The following PPIG variants were observed in gnomAD, a reference collection of about 807,000 sequenced individuals.
The protein encoded by PPIG is peptidylprolyl isomerase G.
A neutral mutation model predicts 87.9 loss-of-function variants in PPIG; 26 were observed. The ratio of observed to expected loss-of-function variants is 0.30; its 90% CI spans 0.22 to 0.41. The LOEUF (loss-of-function observed/expected upper bound fraction) is 0.41. Ranked by LOEUF, PPIG falls within the 10% of genes least tolerant of loss-of-function variation. PPIG has a pLI of 1.00. For missense variants in PPIG, 722 were observed against 879.4 expected (o/e 0.82, Z 2.26); for synonymous variants, 308 against 276.5 (o/e 1.11, Z -1.13).
At chr2:169,619,752 T>C (rs201514431) in intron 9 of PPIG, among the ~76,000 whole-genome samples, 1 of 134,030 alleles carries the variant, frequency 7.5e-6, no homozygotes. Context: ...CCTTGTTTTC[T>C]TTTTTTTTTA....
chr2:169,621,658 A>T (rs1411181966), intron 9 of PPIG, among the ~76,000 whole-genome samples: 1 of 152,086 alleles, frequency 6.6e-6, no homozygotes, highest in Admixed American at 6.5e-5. Flanking sequence ...GTACAGTAGG[A>T]ATATTTTAGG....
intron 11 of PPIG, among the ~76,000 whole-genome samples, chr2:169,632,739 C>T (rs937129498): frequency 1.3e-4 from 15 of 114,194 alleles, no homozygotes; most frequent in Non-Finnish European, 2.0e-4. Context: ...AGTGAGACTC[C>T]GTCTCAAAAA....
chr2:169,602,619 A>C (rs911669847), intron 1 of PPIG, among the ~76,000 whole-genome samples: 7 of 152,140 alleles, frequency 4.6e-5, no homozygotes, highest in Admixed American at 1.3e-4. Context: ...GCCCAAAATT[A>C]GCCTGTTTTT....
intron 9 of PPIG, among the ~76,000 whole-genome samples, chr2:169,620,729 G>A (rs1278093983): frequency 2.0e-5 from 3 of 152,050 alleles, no homozygotes; most frequent in Non-Finnish European, 4.4e-5. Context: ...TTGATATATT[G>A]TCTGAAATGG....
intron 1 of PPIG, among the ~76,000 whole-genome samples, chr2:169,597,466 C>T (rs557449290): frequency 6.7e-6 from 1 of 150,354 alleles, no homozygotes; most frequent in South Asian, 2.1e-4. Flanking sequence ...GCCCCACTTT[C>T]GTTTTTCTCT....
chr2:169,587,546 G>T (rs1248077747), intron 1 of PPIG, among the ~76,000 whole-genome samples: 5 of 152,026 alleles, frequency 3.3e-5, no homozygotes, highest in South Asian at 2.1e-4. Context: ...AGACCTTTTT[G>T]CTTTTAATGT....
At chr2:169,612,209 A>G (rs1279088327) in intron 7 of PPIG, among the ~76,000 whole-genome samples, 7 of 151,722 alleles carry the variant, frequency 4.6e-5, no homozygotes, top group African/African-American at 1.7e-4. Flanking sequence ...TGTTGCAGAG[A>G]CTCTGTACCA....
intron 9 of PPIG, among the ~76,000 whole-genome samples, chr2:169,625,259 A>G (rs13021966): frequency 0.24 from 36,883 of 152,176 alleles, 4,688 homozygotes; most frequent in Non-Finnish European, 0.27. Flanking sequence ...TTGGTTCGAA[A>G]TTCAGAAAGT....
At chr2:169,635,954 A>G (rs545664236) in intron 12 of PPIG, 138 bp from the exon 13 acceptor site, 6 of 462,478 alleles carry the variant, frequency 1.3e-5, no homozygotes, top group Admixed American at 4.2e-5. Flanking sequence ...TACTGTTTCA[A>G]TGCTTTTTAT....
Position 169,639,454 on chromosome 2 carries a change from ATGT to A in PPIG, c.*1935_*1937del, listed in dbSNP as rs1553468899. The A allele has an allele frequency of 6.6e-6, 1 of 152,044 alleles. No individual in the cohort carries two copies. The highest frequency in any genetic ancestry group is 1.5e-5 in the Non-Finnish European group (1 of 67,920). The allele number at this position is 152,044 out of a possible 1,614,324, so 9.4% of individuals were successfully genotyped here. A position where few individuals can be genotyped will look rare whatever the true frequency, so the allele number is the denominator to read the frequency against. ...GTCCATGCTAAGTAAAAATTCTTAC[ATGT>A]TGTCTGATCCCAGAGCTTTATCTAC... On this transcript the variant is annotated 3_prime_UTR_variant, in exon 14 of 14. Coordinates refer to ENST00000260970, the MANE Select transcript of PPIG (RefSeq NM_004792.3).
intron 9 of PPIG, among the ~76,000 whole-genome samples, chr2:169,616,858 C>T (rs1435157690): frequency 2.0e-5 from 3 of 152,114 alleles, no homozygotes; most frequent in African/African-American, 7.2e-5. Flanking sequence ...TTAATTAAAT[C>T]CCATTTGTCA....
chr2:169,613,952 A>G (rs1685552260), intron 7 of PPIG, among the ~76,000 whole-genome samples: 1 of 152,222 alleles, frequency 6.6e-6, no homozygotes, highest in Non-Finnish European at 1.5e-5. Flanking sequence ...AAACAAAAAA[A>G]ACTTGTAAAC....
rs747949024 is a variant in PPIG at position 169,636,919 on chromosome 2, G to A, written c.1661G>A (p.Gly554Asp). 4 of 1,613,768 alleles carry A rather than the reference G, an allele frequency of 2.5e-6. No homozygotes were observed. The highest frequency in any genetic ancestry group is 1.7e-5 in the Admixed American group (1 of 59,960). Residue 554 changes from glycine (G) to aspartate (D), a missense_variant, in exon 14 of 14, where the codon GGT becomes GAT. Coordinates refer to ENST00000260970, the MANE Select transcript of PPIG (RefSeq NM_004792.3). Reference protein sequence around the residue: ...SRSRECDITKGKHSYNSRTRE... With the variant: ...SRSRECDITKDKHSYNSRTRE... ...AGTAGAGAATGTGATATAACTAAAG[G>A]TAAACACAGTTATAATAGCAGAACA...
intron 9 of PPIG, among the ~76,000 whole-genome samples, chr2:169,619,207 A>T (rs1422338235): frequency 6.6e-6 from 1 of 152,128 alleles, no homozygotes; most frequent in Non-Finnish European, 1.5e-5. Context: ...CTTGAGTTCC[A>T]ATTTGATTGC....
chr2:169,617,323 G>C (rs1242704034), intron 9 of PPIG, among the ~76,000 whole-genome samples: 1 of 152,068 alleles, frequency 6.6e-6, no homozygotes, highest in African/African-American at 2.4e-5. Context: ...CTTTTCCTTA[G>C]GATTGTCTTG....
chr2:169,632,453 A>G (rs1299194648), intron 11 of PPIG, among the ~76,000 whole-genome samples: 2 of 152,084 alleles, frequency 1.3e-5, no homozygotes, highest in Non-Finnish European at 2.9e-5. Context: ...TTTAATAACT[A>G]TGTCCAGGCT....
chr2:169,630,370 G>T (rs920910045), intron 9 of PPIG, among the ~76,000 whole-genome samples: 1 of 152,040 alleles, frequency 6.6e-6, no homozygotes, highest in South Asian at 2.1e-4. Context: ...TCTCCATGTT[G>T]CTGTAAAGCA....
chr2:169,634,577 C>T (rs1004511615), intron 12 of PPIG, among the ~76,000 whole-genome samples: 1 of 152,140 alleles, frequency 6.6e-6, no homozygotes, highest in Non-Finnish European at 1.5e-5. Flanking sequence ...AAATCTGAAC[C>T]TTCTTTAGGT....
At chr2:169,586,468 G>T (rs772451168) in intron 1 of PPIG, among the ~76,000 whole-genome samples, 7 of 152,194 alleles carry the variant, frequency 4.6e-5, no homozygotes, top group Non-Finnish European at 1.0e-4. Flanking sequence ...AAAATTGTGT[G>T]TGAAGTTGGC....
Sources: allele counts gnomAD v4.1 joint callset (sites outside exome capture counted in the v4.1 genomes callset), GRCh38; gene constraint gnomAD v4.1.1; transcripts MANE v1.5; gene names NCBI Gene and HGNC (gene_info 2026-07-23, HGNC 2026-07-21).